Variants in PLB1 observed in about 807,000 individuals in gnomAD.
The protein encoded by PLB1 is phospholipase B1, also known as phospholipase B1, membrane-associated.
A neutral mutation model predicts 227.4 loss-of-function variants in PLB1; 242 were observed. That is an observed-to-expected ratio of 1.06 (90% CI 0.96 to 1.18). The LOEUF (loss-of-function observed/expected upper bound fraction) is 1.18, where lower values mean the gene tolerates loss of function less well. PLB1 is among the 50% of genes most tolerant of loss of function. PLB1 has a pLI of 0.00. For missense variants in PLB1, 1,858 were observed against 1,816.3 expected, an observed-to-expected ratio of 1.02 and a Z score of -0.42; for synonymous variants, 757 against 682.2, an observed-to-expected ratio of 1.11 and a Z score of -1.71.
chr2:28,519,303 C>T (rs1405853037), intron 3 of PLB1, among the ~76,000 whole-genome samples: 1 of 152,162 alleles, frequency 6.6e-6, no homozygotes, highest in Non-Finnish European at 1.5e-5. Context: ...CTAAAGTGAT[C>T]CTTTTGGTAA....
intron 35 of PLB1, 58 bp downstream of exon 35, chr2:28,598,818 C>A: frequency 7.1e-7 from 1 of 1,407,346 alleles, no homozygotes; most frequent in Non-Finnish European, 1.0e-6. Context: ...GTGGATAGTA[C>A]CCTTTAAGAC....
intron 22 of PLB1, among the ~76,000 whole-genome samples, chr2:28,578,680 C>G (rs1156821013): frequency 6.6e-6 from 1 of 152,084 alleles, no homozygotes; most frequent in African/African-American, 2.4e-5. Context: ...ATATGCAGCT[C>G]TCCCTCAAAT....
At chr2:28,567,658 G>C (rs984484436) in intron 20 of PLB1, among the ~76,000 whole-genome samples, 3 of 151,878 alleles carry the variant, frequency 2.0e-5, no homozygotes, top group African/African-American at 7.3e-5. Context: ...ATTTTTAATA[G>C]AGACAGGGTT....
At position 28,578,074 on chromosome 2, in the gene PLB1, C is replaced by A. The variant is rs772768209; in HGVS notation, c.1434-33C>A. 1.9e-6 allele frequency: 3 copies of A among 1,610,366 alleles called. No homozygotes were observed. The South Asian group carries it at 3.3e-5, about 18-fold the overall frequency. On this transcript the variant is annotated intron_variant, in intron 21 of 57. Coordinates refer to ENST00000327757, the MANE Select transcript of PLB1 (RefSeq NM_153021.5). ...CTAAGGGCCCCTGCCAGTCCCCACTCCTCACAGCACTTCCTCTGGTATGTT... is the reference window on the plus strand; with the variant it reads ...CTAAGGGCCCCTGCCAGTCCCCACTACTCACAGCACTTCCTCTGGTATGTT...
rs368882829 is a variant in PLB1, at chr2:28,518,534, T to C, written c.184+2T>C. 5.6e-5 allele frequency: 90 copies of C among 1,608,270 alleles called. No individual in the cohort carries two copies. Among genetic ancestry groups the C allele is most frequent in the Non-Finnish European group, 7.1e-5 (83 of 1,174,820 alleles). On this transcript the variant is annotated splice_donor_variant, in intron 3 of 57. Coordinates refer to ENST00000327757, the MANE Select transcript of PLB1 (RefSeq NM_153021.5). LOFTEE classifies it high-confidence loss of function. ...GAGTGAATATGCCTTCTAAATCAGG[T>C]ATGTAACCCTTGGCCATGAGCAGGA...
At chr2:28,535,683 G>A (rs1671586619) in intron 9 of PLB1, among the ~76,000 whole-genome samples, 1 of 152,176 alleles carries the variant, frequency 6.6e-6, no homozygotes, top group Admixed American at 6.5e-5. Context: ...AACTTTGGGA[G>A]GCCAAGGCAG....
At chr2:28,596,137 C>T (rs1379517505) in intron 33 of PLB1, 1 of 152,224 alleles carries the variant, frequency 6.6e-6, no homozygotes, top group Non-Finnish European at 1.5e-5. Context: ...TACTGAGCAT[C>T]TACTCTATTT....
At position 28,538,372 on chromosome 2, in the gene PLB1, G is replaced by C; in HGVS notation, c.609G>C (p.Leu203=). The change falls in exon 10 of 58, where the codon CTG becomes CTC. Residue 203 remains leucine, a synonymous_variant. Coordinates refer to ENST00000327757, the MANE Select transcript of PLB1 (RefSeq NM_153021.5). ...AGCTGATGGGGGTGCTGGACTACCT[G>C]CAGCAGGAGGTGAGGCCACGGGCCT... ...VDELMGVLDY[L]QQEVPRAFVN... is the part of the protein sequence containing the mutation. 6.2e-7 allele frequency: 1 copy of C among 1,612,200 alleles called. No homozygotes were observed. Among genetic ancestry groups the C allele is most frequent in the South Asian group, 1.1e-5 (1 of 90,948 alleles).
chr2:28,538,377 A>C lies in PLB1; in HGVS notation c.614A>C (p.Gln205Pro). The change falls in exon 10 of 58, where the codon CAG becomes CCG. Residue 205 changes from glutamine (Q) to proline (P), a missense_variant. Coordinates refer to ENST00000327757, the MANE Select transcript of PLB1 (RefSeq NM_153021.5). ...ATGGGGGTGCTGGACTACCTGCAGC[A>C]GGAGGTGAGGCCACGGGCCTAGGGC... ...ELMGVLDYLQ[Q>P]EVPRAFVNLV... 6.2e-7 allele frequency: 1 copy of C among 1,611,460 alleles called. No homozygotes were observed. The highest frequency in any genetic ancestry group is 8.5e-7 in the Non-Finnish European group (1 of 1,179,738).
In PLB1 at chr2:28,598,718, C is replaced by T. The variant is rs61755881; in HGVS notation, c.2432C>T (p.Thr811Met). ...GTGGGCACGGGTGATGCCAATGACA[C>T]GAATGCATTCCTCAATCAAGCTGTT... ...YAVGTGDAND[T>M]NAFLNQAVPG... Residue 811 changes from threonine (T) to methionine (M), a missense_variant, in exon 35 of 58, where the codon ACG (threonine) becomes ATG (methionine). Physicochemically the swap from Thr to Met is moderately conservative, Grantham distance 81 (BLOSUM62 -1). Coordinates refer to ENST00000327757, the MANE Select transcript of PLB1 (RefSeq NM_153021.5). The T allele has an allele frequency of 6.2e-4, 1,008 of 1,614,200 alleles. 5 individuals carry two copies. In the African/African-American group the frequency reaches 8.3e-3, roughly 13 times the overall value.
At chr2:28,586,714 C>A (rs564509701) in intron 26 of PLB1, among the ~76,000 whole-genome samples, 1 of 152,248 alleles carries the variant, frequency 6.6e-6, no homozygotes, top group South Asian at 2.1e-4. Context: ...GACTCCCTAG[C>A]TGGACTTCCT....
At chr2:28,576,032 G>C (rs1678870306) in intron 21 of PLB1, among the ~76,000 whole-genome samples, 1 of 152,178 alleles carries the variant, frequency 6.6e-6, no homozygotes, top group East Asian at 1.9e-4. Flanking sequence ...AGGCATCCAA[G>C]AATGAAACCT....
At chr2:28,497,179 C>T (rs1281945368) in intron 1 of PLB1, among the ~76,000 whole-genome samples, 2 of 152,304 alleles carry the variant, frequency 1.3e-5, no homozygotes, top group South Asian at 2.1e-4. Context: ...TAGGAGTTCT[C>T]CATATATGCT....
At chr2:28,575,836 C>T (rs1573087752) in intron 21 of PLB1, among the ~76,000 whole-genome samples, 1 of 152,180 alleles carries the variant, frequency 6.6e-6, no homozygotes, top group South Asian at 2.1e-4. Flanking sequence ...CAGGTGTGAG[C>T]CACTGTGCCC....
At chr2:28,626,035 A>C (rs1307799481) in intron 50 of PLB1, among the ~76,000 whole-genome samples, 8 of 146,606 alleles carry the variant, frequency 5.5e-5, no homozygotes, top group African/African-American at 2.0e-4. Flanking sequence ...TCGCTCTGTC[A>C]CCCAGGCTGG....
At chr2:28,606,329 C>T (rs369138587) in intron 42 of PLB1, among the ~76,000 whole-genome samples, 167 bp from the exon 43 acceptor site, 11 of 152,308 alleles carry the variant, frequency 7.2e-5, no homozygotes, top group African/African-American at 2.6e-4. Flanking sequence ...AGAAGCAAAG[C>T]GACTGGCCCA....
chr2:28,514,251 A>G (rs1244222418), intron 1 of PLB1, among the ~76,000 whole-genome samples: 7 of 152,140 alleles, frequency 4.6e-5, no homozygotes, highest in Admixed American at 2.6e-4. Flanking sequence ...TGTTGACTCT[A>G]TTTAAGTGGG....
At position 28,497,908 on chromosome 2, in the gene PLB1, A is replaced by G. The variant is rs202104687; in HGVS notation, c.55+1739A>G. ...TAATTTTTGTATTTTTAGTAGAGAC[A>G]GGGTTTCACCATGTTGGCCAGGCTG... On this transcript the variant is annotated intron_variant, in intron 1 of 57. Coordinates refer to ENST00000327757, the MANE Select transcript of PLB1 (RefSeq NM_153021.5). Among the ~76,000 whole-genome samples the G allele has an allele frequency of 5.6e-3, 828 of 147,020 alleles. 9 individuals carry two copies. Among genetic ancestry groups the G allele is most frequent in the African/African-American group, 0.019 (788 of 41,160 alleles).
chr2:28,604,808 A>T (rs1218005706), intron 41 of PLB1, 49 bp downstream of exon 41: 1 of 1,529,804 alleles, frequency 6.5e-7, no homozygotes, highest in Non-Finnish European at 9.0e-7. Context: ...GAAGAAATGC[A>T]AGGCAGAATT....
Sources: gnomAD v4.1 joint callset for allele counts (sites outside exome capture counted in the v4.1 genomes callset) on GRCh38, gnomAD v4.1.1 for gene constraint, MANE v1.5 for transcripts, NCBI Gene and HGNC (gene_info 2026-07-23, HGNC 2026-07-21) for gene names.